Variants in LRRC31 observed in about 807,000 individuals in gnomAD.
LRRC31 encodes leucine rich repeat containing 31, also known as leucine-rich repeat-containing protein 31.
LRRC31 carries 35 observed loss-of-function variants against 46.7 expected under a neutral mutation model. That is an observed-to-expected ratio of 0.75 (90% CI 0.57 to 0.99). The LOEUF (loss-of-function observed/expected upper bound fraction) is 0.99, where lower values mean the gene tolerates loss of function less well. LRRC31 is among the 50% of genes least tolerant of loss of function. The pLI, the probability that LRRC31 is intolerant of heterozygous loss-of-function variation, is 0.00. For missense variants in LRRC31, 613 were observed against 626.1 expected (o/e 0.98, Z 0.22); for synonymous variants, 236 against 235.1 (o/e 1.00, Z -0.03).
At chr3:169,848,087 G>T in intron 8 of LRRC31, 33 bp downstream of exon 8, 1 of 1,595,338 alleles carries the variant, frequency 6.3e-7, no homozygotes, top group Non-Finnish European at 8.6e-7. Flanking sequence ...TGCTCTGTTT[G>T]CCAAGACCGC....
chr3:169,841,949 G>A (rs1780463027), intron 8 of LRRC31, among the ~76,000 whole-genome samples: 1 of 152,256 alleles, frequency 6.6e-6, no homozygotes, highest in Middle Eastern at 3.4e-3. Flanking sequence ...GGAGGCTGAG[G>A]TAGGAGAATT....
intron 2 of LRRC31, 149 bp downstream of exon 2, chr3:169,861,518 CAAA>C (rs371250528): frequency 3.9e-3 from 2,348 of 603,242 alleles, no homozygotes; most frequent in Middle Eastern, 7.1e-3. Context: ...GACTCCGTCT[CAAA>C]AAAAAAAAAA....
Position 169,848,126 on chromosome 3 carries a change from G to A in LRRC31, c.1321C>T (p.Leu441Phe). The A allele has an allele frequency of 6.2e-7, 1 of 1,612,678 alleles. No individual in the cohort carries two copies. Among genetic ancestry groups the A allele is most frequent in the Non-Finnish European group, 8.5e-7 (1 of 1,178,902 alleles). The change falls in exon 8 of 9, where the codon CTC becomes TTC. Residue 441 changes from leucine to phenylalanine, a missense_variant. Leu to Phe is a conservative substitution (Grantham distance 22). Coordinates refer to ENST00000316428, the MANE Select transcript of LRRC31 (RefSeq NM_024727.4). ...GGAACAAGTAGATACACACCCAGGA[G>A]AGCCACATCCTCTGTCACCAGGGAA... The part of the protein sequence containing the change: ...SCSLVTEDVA[L>F]LASVIQTGHL...
At position 169,860,707 on chromosome 3, in the gene LRRC31, G is replaced by A; in HGVS notation, c.341C>T (p.Pro114Leu). 6.2e-7 allele frequency: 1 copy of A among 1,614,040 alleles called. No individual in the cohort carries two copies. Among genetic ancestry groups the A allele is most frequent in the Non-Finnish European group, 8.5e-7 (1 of 1,179,950 alleles). The stretch of plus-strand genomic sequence containing the variant: ...GGAGATATCCAGTTCTTCCAAGTCT[G>A]GGAGAAAAGGCAGCAAGGCAACTAG... ...KEMVALLPFL[P>L]DLEELDISWN... is the part of the protein sequence containing the mutation. Residue 114 changes from proline (P) to leucine (L), a missense_variant, in exon 3 of 9, where the codon CCA (proline) becomes CTA (leucine). Physicochemically the swap from Pro to Leu is moderately conservative, Grantham distance 98 (BLOSUM62 -3). Coordinates refer to ENST00000316428, the MANE Select transcript of LRRC31 (RefSeq NM_024727.4).
At chr3:169,858,969 G>T (rs570054174) in intron 3 of LRRC31, among the ~76,000 whole-genome samples, 48 of 114,350 alleles carry the variant, frequency 4.2e-4, no homozygotes, top group African/African-American at 1.6e-3. Context: ...TTGCACCACT[G>T]CACTCCAGCC....
At chr3:169,865,848 AGTCGGGGGGTT>A (rs956998908) in intron 1 of LRRC31, among the ~76,000 whole-genome samples, 4 of 152,020 alleles carry the variant, frequency 2.6e-5, no homozygotes, top group African/African-American at 9.7e-5. Flanking sequence ...GGGAGGGATA[AGTCGGGGGGTT>A]GCAGGGGAGG....
chr3:169,854,247 G>A (rs1442993539), intron 6 of LRRC31, among the ~76,000 whole-genome samples: 2 of 152,212 alleles, frequency 1.3e-5, no homozygotes, highest in Non-Finnish European at 2.9e-5. Flanking sequence ...GGCCACAGGT[G>A]GGATAAAACC....
At chr3:169,863,384 G>A (rs996211084) in intron 1 of LRRC31, among the ~76,000 whole-genome samples, 3 of 152,168 alleles carry the variant, frequency 2.0e-5, no homozygotes, top group Admixed American at 6.5e-5. Flanking sequence ...TGACAAAAAG[G>A]TGTAAGACAA....
intron 1 of LRRC31, among the ~76,000 whole-genome samples, chr3:169,869,355 G>T (rs1781422459): frequency 1.3e-5 from 2 of 151,876 alleles, no homozygotes; most frequent in Non-Finnish European, 2.9e-5. Context: ...TGGGTGACAA[G>T]AGTGAAACTC....
intron 6 of LRRC31, among the ~76,000 whole-genome samples, chr3:169,853,909 G>A (rs1780865172): frequency 6.6e-6 from 1 of 152,216 alleles, no homozygotes; most frequent in Non-Finnish European, 1.5e-5. Flanking sequence ...TGCCAACCAT[G>A]TGCAGGTGCC....
chr3:169,848,859 T>C (rs1326019569), intron 7 of LRRC31, among the ~76,000 whole-genome samples: 1 of 152,158 alleles, frequency 6.6e-6, no homozygotes, highest in African/African-American at 2.4e-5. Context: ...TCACTTCACA[T>C]GTAGGAAGGA....
At chr3:169,862,431 T>A (rs1781195182) in intron 1 of LRRC31, among the ~76,000 whole-genome samples, 1 of 152,202 alleles carries the variant, frequency 6.6e-6, no homozygotes. Context: ...GGGACTACTG[T>A]GGCACCCTCA....
intron 8 of LRRC31, among the ~76,000 whole-genome samples, chr3:169,840,820 G>A (rs187318363): frequency 9.2e-5 from 14 of 152,278 alleles, no homozygotes; most frequent in Admixed American, 4.6e-4. Flanking sequence ...CTTTTGAATA[G>A]AACATATCAG....
At chr3:169,868,853 T>C (rs1781407486) in intron 1 of LRRC31, among the ~76,000 whole-genome samples, 1 of 152,126 alleles carries the variant, frequency 6.6e-6, no homozygotes, top group Admixed American at 6.5e-5. Flanking sequence ...AAGATCACTT[T>C]AGAAGAAAAC....
chr3:169,868,217 A>G (rs555494196), intron 1 of LRRC31, among the ~76,000 whole-genome samples: 14 of 152,076 alleles, frequency 9.2e-5, no homozygotes, highest in African/African-American at 3.4e-4. Context: ...AGCATCCCTG[A>G]CTTCCTGACT....
intron 1 of LRRC31, among the ~76,000 whole-genome samples, chr3:169,866,500 G>T (rs1168903158): frequency 6.6e-6 from 1 of 152,116 alleles, no homozygotes; most frequent in Non-Finnish European, 1.5e-5. Context: ...GAACAAAAAT[G>T]AACAATTTTC....
At chr3:169,851,900 C>G in intron 6 of LRRC31, 114 bp from the exon 7 acceptor site, 9 of 1,035,332 alleles carry the variant, frequency 8.7e-6, no homozygotes, top group Non-Finnish European at 1.3e-5. Context: ...CTCCCCACCC[C>G]GGCCCTCCCT....
rs189969334 is a variant in LRRC31, at chr3:169,842,820, C to T, written c.1328-2507G>A. Among the ~76,000 whole-genome samples, 821 of 151,294 alleles carry T rather than the reference C, an allele frequency of 5.4e-3. 11 individuals carry two copies. Among genetic ancestry groups the T allele is most frequent in the African/African-American group, 0.019 (764 of 41,228 alleles). Reference sequence around the variant, plus strand: ...TGATGCAGACAAAAATAAAAAAGACCGAAATGAAGAAGCAAATTTTAATTA... The same window carrying T: ...TGATGCAGACAAAAATAAAAAAGACTGAAATGAAGAAGCAAATTTTAATTA... On this transcript the variant is annotated intron_variant, in intron 8 of 8. Coordinates refer to ENST00000316428, the MANE Select transcript of LRRC31 (RefSeq NM_024727.4).
Position 169,854,915 on chromosome 3 carries a change from C to T in LRRC31, c.889G>A (p.Gly297Arg), listed in dbSNP as rs1780895874. 6.2e-7 allele frequency: 1 copy of T among 1,613,490 alleles called. No individual in the cohort carries two copies. The highest frequency in any genetic ancestry group is 8.5e-7 in the Non-Finnish European group (1 of 1,179,910). The change falls in exon 6 of 9, where the codon GGA becomes AGA. Residue 297 changes from glycine (G) to arginine (R), a missense_variant. Physicochemically the swap from Gly to Arg is moderately radical, Grantham distance 125. Coordinates refer to ENST00000316428, the MANE Select transcript of LRRC31 (RefSeq NM_024727.4). ...LDLSCNKDLGGGFEDSPAQLV... is the reference protein window; with the variant it reads ...LDLSCNKDLGRGFEDSPAQLV... ...TGAGCCGGCGAGTCTTCAAAACCTC[C>T]ACCTAGATCCTTATTGCAGGAAAGA... is the stretch of plus-strand genomic sequence containing the variant.
Sources: gnomAD v4.1 joint callset for allele counts (sites outside exome capture counted in the v4.1 genomes callset) on GRCh38, gnomAD v4.1.1 for gene constraint, MANE v1.5 for transcripts, NCBI Gene and HGNC (gene_info 2026-07-23, HGNC 2026-07-21) for gene names.